Variants in ZNF69 observed in about 807,000 individuals in gnomAD.
ZNF69 encodes zinc finger protein 69, also known as ZNF3.
A neutral mutation model predicts 50.9 loss-of-function variants in ZNF69; 47 were observed. That is an observed-to-expected ratio of 0.92 (90% CI 0.73 to 1.18). The LOEUF (loss-of-function observed/expected upper bound fraction) is 1.18. Among genes scored for constraint, ZNF69 ranks in the 50% most tolerant of loss-of-function variants. ZNF69 has a pLI of 0.00. For synonymous variants in ZNF69, 216 were observed against 223.1 expected, an observed-to-expected ratio of 0.97 and a Z score of 0.29; for missense variants, 717 against 675.1, an observed-to-expected ratio of 1.06 and a Z score of -0.69.
chr19:11,947,673 C>CAAAT, the ZNF69 span: 1 of 1,154,230 alleles, frequency 8.7e-7, no homozygotes, highest in East Asian at 2.4e-5. Flanking sequence ...AATCCAGCAT[C>CAAAT]AAATTCATTT....
chr19:11,895,629 A>C (rs1977207022), intron 1 of ZNF69, among the ~76,000 whole-genome samples: 1 of 152,208 alleles, frequency 6.6e-6, no homozygotes, highest in Non-Finnish European at 1.5e-5. Flanking sequence ...AGTTGACCAC[A>C]TGGAGGAAAT....
At chr19:11,925,330 G>C in the ZNF69 span, 1 of 1,600,012 alleles carries the variant, frequency 6.2e-7, no homozygotes. Flanking sequence ...GGAACAGGCG[G>C]GAACCGGCTG....
At chr19:11,929,459 G>A in the ZNF69 span, among the ~76,000 whole-genome samples, 1 of 148,208 alleles carries the variant, frequency 6.7e-6, no homozygotes, top group Non-Finnish European at 1.5e-5. Flanking sequence ...CACTGCGCCC[G>A]GCCTGACTCA....
At chr19:11,965,382 T>C in the ZNF69 span, among the ~76,000 whole-genome samples, 1 of 152,178 alleles carries the variant, frequency 6.6e-6, no homozygotes, top group South Asian at 2.1e-4. Flanking sequence ...GGGGCTGGGC[T>C]GGCAGCCGGG....
the ZNF69 span, among the ~76,000 whole-genome samples, chr19:11,941,330 G>A: frequency 1.3e-5 from 2 of 152,266 alleles, no homozygotes; most frequent in African/African-American, 4.8e-5. Flanking sequence ...ATGGGACTGG[G>A]TGCTGTGGAG....
At chr19:11,924,431 C>CAAAAAAA in the ZNF69 span, among the ~76,000 whole-genome samples, 3 of 65,198 alleles carry the variant, frequency 4.6e-5, no homozygotes, top group Non-Finnish European at 3.6e-5. Flanking sequence ...GACTCCGTCT[C>CAAAAAAA]AAAAAAAAAA....
the ZNF69 span, among the ~76,000 whole-genome samples, chr19:11,975,079 G>A: frequency 6.6e-6 from 1 of 151,960 alleles, no homozygotes; most frequent in Non-Finnish European, 1.5e-5. Flanking sequence ...GTCATAGTAC[G>A]GGCCAAGATG....
At chr19:11,911,206 CACT>C, downstream of ZNF69, among the ~76,000 whole-genome samples, 1 of 152,174 alleles carries the variant, frequency 6.6e-6, no homozygotes, top group Non-Finnish European at 1.5e-5. Context: ...GAAATAGGAA[CACT>C]TTTACACTGT....
At chr19:11,970,688 T>G in the ZNF69 span, among the ~76,000 whole-genome samples, 13 of 152,200 alleles carry the variant, frequency 8.5e-5, no homozygotes, top group Admixed American at 5.2e-4. Context: ...CTCACACACT[T>G]TGGGAGGCTG....
At chr19:11,941,444 G>A in the ZNF69 span, among the ~76,000 whole-genome samples, 1 of 152,338 alleles carries the variant, frequency 6.6e-6, no homozygotes, top group Admixed American at 6.5e-5. Flanking sequence ...CTGCCCCGTG[G>A]GAAGGCAGCT....
the ZNF69 span, among the ~76,000 whole-genome samples, chr19:11,958,429 T>C: frequency 2.0e-5 from 3 of 152,152 alleles, no homozygotes; most frequent in Admixed American, 1.3e-4. Context: ...AGTGGTTGCA[T>C]GACTGCTTAG....
At chr19:11,913,967 C>G (rs533994093) in exon 5 of ZNF69, 3 of 152,282 alleles carry the variant, frequency 2.0e-5, no homozygotes, top group Non-Finnish European at 4.4e-5. Context: ...TAGTTTTATC[C>G]TGATTCATCA....
Position 11,906,054 on chromosome 19 carries a change from G to A in ZNF69, c.1657G>A (p.Gly553Ser). The A allele has an allele frequency of 6.2e-7, 1 of 1,613,256 alleles. No individual in the cohort carries two copies. Among genetic ancestry groups the A allele is most frequent in the South Asian group, 1.1e-5 (1 of 90,994 alleles). The change falls in exon 4 of 4, where the codon GGT becomes AGT. Residue 553 changes from glycine (G) to serine (S), a missense_variant. Gly to Ser is a moderately conservative substitution (Grantham distance 56). Transcript: ENST00000429654. ...AGCTGCCTCAGTCCTTCGAATGCATGGTAGGACTCACCCTGAAGATAAACC... is the reference window on the plus strand; with the variant it reads ...AGCTGCCTCAGTCCTTCGAATGCATAGTAGGACTCACCCTGAAGATAAACC... The part of the protein sequence containing the change: ...FRAASVLRMH[G>S]RTHPEDKPYE...
chr19:11,975,753 C>T, the ZNF69 span, among the ~76,000 whole-genome samples: 1 of 152,230 alleles, frequency 6.6e-6, no homozygotes, highest in South Asian at 2.1e-4. Flanking sequence ...TTTGTTTATC[C>T]ATTCAGTCAT....
the ZNF69 span, chr19:11,925,152 C>G: frequency 7.5e-6 from 12 of 1,599,784 alleles, no homozygotes; most frequent in Non-Finnish European, 9.4e-6. Context: ...ACCGGTCAGA[C>G]CAGCCCGAGA....
intron 1 of ZNF69, among the ~76,000 whole-genome samples, chr19:11,898,910 A>G (rs1427092216): frequency 6.6e-6 from 1 of 152,228 alleles, no homozygotes; most frequent in Non-Finnish European, 1.5e-5. Context: ...GCAAGAACAT[A>G]TTACATGTGA....
At chr19:11,893,458 T>A (rs1367434898) in intron 1 of ZNF69, among the ~76,000 whole-genome samples, 1 of 152,182 alleles carries the variant, frequency 6.6e-6, no homozygotes, top group Non-Finnish European at 1.5e-5. Context: ...GTCTGAACAT[T>A]TCACATGAGA....
At chr19:11,972,505 C>A in the ZNF69 span, among the ~76,000 whole-genome samples, 1 of 151,984 alleles carries the variant, frequency 6.6e-6, no homozygotes, top group African/African-American at 2.4e-5. Flanking sequence ...AATGATGGAG[C>A]CAGTATTGGG....
the ZNF69 span, among the ~76,000 whole-genome samples, chr19:11,923,186 G>C: frequency 1.3e-5 from 2 of 152,202 alleles, no homozygotes; most frequent in Non-Finnish European, 2.9e-5. Flanking sequence ...CTGACAGCGA[G>C]AGTCTCATCC....
Sources: allele counts gnomAD v4.1 joint callset (sites outside exome capture counted in the v4.1 genomes callset), GRCh38; gene constraint gnomAD v4.1.1; transcripts MANE v1.5; gene names NCBI Gene and HGNC (gene_info 2026-07-23, HGNC 2026-07-21).